ERH: variants seen among roughly 807,000 people sequenced by gnomAD.
The protein encoded by ERH is ERH mRNA splicing and mitosis factor.
In ERH, 1 loss-of-function variant was observed where a neutral mutation model predicts 16.8. The observed-to-expected ratio is 0.06, with a 90% CI of 0.02 to 0.28. The LOEUF is 0.28. Among genes scored for constraint, ERH ranks in the 10% least tolerant of loss-of-function variants. The probability of loss-of-function intolerance (pLI) is 1.00; values close to 1 mark genes in which losing one functional copy is unlikely to be tolerated. For synonymous variants in ERH, 43 were observed against 43.6 expected, an observed-to-expected ratio of 0.99 and a Z score of 0.05; for missense variants, 42 against 127.5, an observed-to-expected ratio of 0.33 and a Z score of 3.23.
intron 3 of ERH, among the ~76,000 whole-genome samples, chr14:69,383,842 A>G (rs2045876926): frequency 6.6e-6 from 1 of 152,162 alleles, no homozygotes; most frequent in African/African-American, 2.4e-5. Context: ...TATGGTTTCT[A>G]GTTTACATTT....
intron 1 of ERH, among the ~76,000 whole-genome samples, chr14:69,397,517 T>G (rs1882378690): frequency 6.6e-6 from 1 of 150,950 alleles, no homozygotes; most frequent in African/African-American, 2.4e-5. Context: ...AGCAAATACG[T>G]CCTCTCCTGG....
rs79746511 is a variant in ERH, at chr14:69,394,659, T to C, written c.91+166A>G. Among the ~76,000 whole-genome samples the C allele has an allele frequency of 1.7e-3, 255 of 152,336 alleles. 5 individuals are homozygous for C. The East Asian group carries it at 0.043, about 26-fold the overall frequency. On this transcript the variant is annotated intron_variant, in intron 2 of 3. Coordinates refer to ENST00000557016, the MANE Select transcript of ERH (RefSeq NM_004450.3). ...TTCAATAATTATGGTCCATCCTAAA[T>C]ATCTGCTTTCCCTCCTAAAATTAGC...
At chr14:69,391,758 C>T (rs1178254167) in intron 2 of ERH, among the ~76,000 whole-genome samples, 1 of 147,012 alleles carries the variant, frequency 6.8e-6, no homozygotes, top group Non-Finnish European at 1.5e-5. Context: ...CCAGAAAAGG[C>T]AAAACTACAG....
intron 2 of ERH, among the ~76,000 whole-genome samples, chr14:69,390,705 A>G (rs747678286): frequency 6.6e-6 from 1 of 152,270 alleles, no homozygotes; most frequent in Non-Finnish European, 1.5e-5. Context: ...TTGTGCTCCA[A>G]AAGACACTAT....
chr14:69,395,026 T>C (rs1202309661), intron 1 of ERH, 114 bp from the exon 2 acceptor site: 2 of 752,156 alleles, frequency 2.7e-6, no homozygotes, highest in African/African-American at 3.5e-5. Flanking sequence ...AAAATGTAAT[T>C]AGAGAGGCCA....
chr14:69,398,073 G>T, intron 1 of ERH, 158 bp downstream of exon 1: 1 of 956,400 alleles, frequency 1.0e-6, no homozygotes, highest in Non-Finnish European at 1.6e-6. Flanking sequence ...CAGGCCTGGC[G>T]TCCCTGCGGC....
chr14:69,394,278 A>T (rs1882284274), intron 2 of ERH, among the ~76,000 whole-genome samples: 1 of 152,084 alleles, frequency 6.6e-6, no homozygotes, highest in East Asian at 1.9e-4. Flanking sequence ...CTCATTATAT[A>T]CATTAGTTTA....
chr14:69,393,159 A>AT (rs1210565612), intron 2 of ERH, among the ~76,000 whole-genome samples: 60 of 152,316 alleles, frequency 3.9e-4, no homozygotes, highest in African/African-American at 1.3e-3. Flanking sequence ...TTTACTAAAA[A>AT]TACAAAAATT....
chr14:69,389,785 C>T (rs1286187850), intron 2 of ERH, among the ~76,000 whole-genome samples: 2 of 152,200 alleles, frequency 1.3e-5, no homozygotes, highest in South Asian at 4.2e-4. Flanking sequence ...TCTTTTCTTT[C>T]CCTTGAGACA....
chr14:69,380,979 A>G (rs2045860056), intron 3 of ERH, among the ~76,000 whole-genome samples: 1 of 152,214 alleles, frequency 6.6e-6, no homozygotes, highest in Non-Finnish European at 1.5e-5. Flanking sequence ...TTTAGTGATT[A>G]AAAAACAACA....
intron 1 of ERH, among the ~76,000 whole-genome samples, chr14:69,397,811 G>A (rs1196727470): frequency 6.6e-6 from 1 of 152,172 alleles, no homozygotes; most frequent in Non-Finnish European, 1.5e-5. Context: ...CCAGCTACTA[G>A]GGAGGCTGAG....
chr14:69,391,045 T>C (rs2140232730), intron 2 of ERH, among the ~76,000 whole-genome samples: 1 of 152,368 alleles, frequency 6.6e-6, no homozygotes, highest in Middle Eastern at 3.4e-3. Context: ...AAAATGGTCC[T>C]GCCACGTCTG....
chr14:69,398,082 G>T, intron 1 of ERH, 149 bp downstream of exon 1: 1 of 1,025,986 alleles, frequency 9.7e-7, no homozygotes, highest in South Asian at 1.4e-5. Context: ...CGTCCCTGCG[G>T]CGGGAAGAAG....
At position 69,398,220 on chromosome 14, in the gene ERH, G is replaced by A. The variant is rs200850972; in HGVS notation, c.3+11C>T. ...GACTCGGACTCGGGTAGCCGCGGAG[G>A]CCTTTCTCACCATCGCGCCAAACTC... On this transcript the variant is annotated intron_variant, in intron 1 of 3. Coordinates refer to ENST00000557016, the MANE Select transcript of ERH (RefSeq NM_004450.3). 11 of 1,613,942 alleles carry A rather than the reference G, an allele frequency of 6.8e-6. No homozygotes were observed. The highest frequency in any genetic ancestry group is 8.5e-6 in the Non-Finnish European group (10 of 1,180,022).
At chr14:69,387,141 A>G in intron 2 of ERH, 58 bp from the exon 3 acceptor site, 11 of 1,475,050 alleles carry the variant, frequency 7.5e-6, no homozygotes, top group South Asian at 4.6e-5. Flanking sequence ...TCTAGATATG[A>G]GCAGTGCTTA....
chr14:69,395,834 C>G (rs891549922), intron 1 of ERH, among the ~76,000 whole-genome samples: 1 of 152,172 alleles, frequency 6.6e-6, no homozygotes, highest in South Asian at 2.1e-4. Flanking sequence ...TAGAATCACA[C>G]AGAAAGTTAG....
rs545921466 is a variant in ERH at position 69,381,259 on chromosome 14, C to T, written c.213-619G>A. ...CCACTGCACTCCTGTGAGTGAGACTCCATCTCAAAAAAACAAAAACAACAA... is the reference window on the plus strand; with the variant it reads ...CCACTGCACTCCTGTGAGTGAGACTTCATCTCAAAAAAACAAAAACAACAA... On this transcript the variant is annotated intron_variant, in intron 3 of 3. Coordinates refer to ENST00000557016, the MANE Select transcript of ERH (RefSeq NM_004450.3). Among the ~76,000 whole-genome samples the T allele has an allele frequency of 1.6e-3, 240 of 152,182 alleles. 1 individual carries two copies. Among genetic ancestry groups the T allele is most frequent in the South Asian group, 9.3e-3 (45 of 4,828 alleles).
At position 69,386,839 on chromosome 14, in the gene ERH, T is replaced by C. The variant is rs1246561271; in HGVS notation, c.212+124A>G. On this transcript the variant is annotated intron_variant, in intron 3 of 3. Coordinates refer to ENST00000557016, the MANE Select transcript of ERH (RefSeq NM_004450.3). Reference sequence around the variant, plus strand: ...TCTGTAAGAGAAATATTAATTACTATACACTATGCAAATGCAAAGATCAGT... The same window carrying C: ...TCTGTAAGAGAAATATTAATTACTACACACTATGCAAATGCAAAGATCAGT... 5 of 805,988 alleles carry C rather than the reference T, an allele frequency of 6.2e-6. No individual in the cohort carries two copies. The East Asian group carries it at 1.3e-4, about 22-fold the overall frequency. 49.9% of individuals were successfully genotyped at this position (805,988 alleles called of 1,614,324 possible). A position where few individuals can be genotyped will look rare whatever the true frequency, so the allele number is the denominator to read the frequency against.
chr14:69,393,225 G>C (rs1882255610), intron 2 of ERH, among the ~76,000 whole-genome samples: 1 of 152,208 alleles, frequency 6.6e-6, no homozygotes, highest in African/African-American at 2.4e-5. Context: ...ACTGAGGAAG[G>C]AGAATCATTT....
Sources: allele counts gnomAD v4.1 joint callset (sites outside exome capture counted in the v4.1 genomes callset), GRCh38; gene constraint gnomAD v4.1.1; transcripts MANE v1.5; gene names NCBI Gene and HGNC (gene_info 2026-07-23, HGNC 2026-07-21).